Variants in CCDC171 observed in about 807,000 individuals in gnomAD.
The protein encoded by CCDC171 is coiled-coil domain containing 171.
CCDC171 carries 177 observed loss-of-function variants against 168.2 expected under a neutral mutation model. That is an observed-to-expected ratio of 1.05 (90% CI 0.93 to 1.19). The LOEUF (loss-of-function observed/expected upper bound fraction) is 1.19, where lower values mean the gene tolerates loss of function less well. Ranked by LOEUF, CCDC171 falls within the 50% of genes most tolerant of loss-of-function variation. The probability of loss-of-function intolerance (pLI) is 0.00; values close to 1 mark genes in which losing one functional copy is unlikely to be tolerated. For synonymous variants in CCDC171, 687 were observed against 540.8 expected (o/e 1.27, Z -3.75); for missense variants, 1,991 against 1,539.0 (o/e 1.29, Z -4.91).
chr9:15,614,706 A>T (rs1219441363), intron 6 of CCDC171, among the ~76,000 whole-genome samples: 1 of 152,064 alleles, frequency 6.6e-6, no homozygotes, highest in African/African-American at 2.4e-5. Context: ...TTTTATCTTC[A>T]TGTTGGATAA....
At chr9:16,050,781 C>A (rs1435521259) in intron 1 of CCDC171, among the ~76,000 whole-genome samples, 4 of 152,204 alleles carry the variant, frequency 2.6e-5, no homozygotes, top group African/African-American at 7.2e-5. Context: ...TTCACAAGAT[C>A]TGGGCTCTTG....
chr9:16,006,639 T>A (rs973596619), intron 3 of CCDC171, among the ~76,000 whole-genome samples: 2 of 149,688 alleles, frequency 1.3e-5, no homozygotes, highest in African/African-American at 4.9e-5. Context: ...TGTCCATGTG[T>A]TCTCATTGTT....
At chr9:15,942,866 T>C (rs1335311844) in intron 25 of CCDC171, among the ~76,000 whole-genome samples, 2 of 151,776 alleles carry the variant, frequency 1.3e-5, no homozygotes, top group African/African-American at 4.8e-5. Context: ...GCTCCTACAA[T>C]ATTAATAGCA....
At chr9:15,568,267 CTT>C (rs554021809) in intron 2 of CCDC171, among the ~76,000 whole-genome samples, 13 of 126,852 alleles carry the variant, frequency 1.0e-4, no homozygotes, top group African/African-American at 3.4e-4. Context: ...TCCAATACAT[CTT>C]TTTTTTTTTT....
intron 1 of CCDC171, among the ~76,000 whole-genome samples, chr9:15,560,737 A>G (rs2039226996): frequency 6.6e-6 from 1 of 152,110 alleles, no homozygotes; most frequent in African/African-American, 2.4e-5. Context: ...CTCTTAACTC[A>G]TCAAAGTCAT....
At chr9:15,920,238 A>T (rs1458644339) in intron 24 of CCDC171, 32 bp from the exon 25 acceptor site, 1 of 1,418,028 alleles carries the variant, frequency 7.1e-7, no homozygotes, top group Non-Finnish European at 9.5e-7. Flanking sequence ...TATTTATTTG[A>T]ATTATATGTG....
intron 2 of CCDC171, among the ~76,000 whole-genome samples, chr9:15,566,350 G>A (rs933593747): frequency 5.3e-5 from 8 of 152,022 alleles, no homozygotes; most frequent in Non-Finnish European, 8.8e-5. Context: ...TTGAGCCCAG[G>A]AGTTCGAGAC....
chr9:15,912,148 C>T (rs990066188), intron 24 of CCDC171, among the ~76,000 whole-genome samples: 2 of 152,304 alleles, frequency 1.3e-5, no homozygotes, highest in Non-Finnish European at 2.9e-5. Context: ...GCAGTATAGC[C>T]ATTTTCATGG....
chr9:15,728,551 C>T lies in CCDC171; in HGVS notation c.1860+515C>T, dbSNP rs1352976840. On this transcript the variant is annotated intron_variant, in intron 15 of 25. Transcript: ENST00000380701. ...CAAAATGTATATTAGAAAACTCACT[C>T]CATGCTTTAGACTGCAAAAAGTGTA... 2.0e-5 allele frequency among the ~76,000 whole-genome samples: 3 copies of T among 152,124 alleles called. No individual in the cohort carries two copies. In the South Asian group the frequency reaches 6.2e-4, roughly 31 times the overall value.
intron 4 of CCDC171, among the ~76,000 whole-genome samples, chr9:15,589,049 ACGT>A (rs1301915236): frequency 6.6e-6 from 1 of 151,618 alleles, no homozygotes; most frequent in East Asian, 1.9e-4. Flanking sequence ...CCCACAGAAA[ACGT>A]CGTTGTTTTT....
chr9:15,890,969 C>T (rs1820139339), intron 24 of CCDC171, among the ~76,000 whole-genome samples: 1 of 152,052 alleles, frequency 6.6e-6, no homozygotes, highest in Non-Finnish European at 1.5e-5. Context: ...TTAATAAAGG[C>T]ATAAAATATT....
At chr9:15,847,078 T>C (rs892430171) in intron 22 of CCDC171, among the ~76,000 whole-genome samples, 8 of 152,124 alleles carry the variant, frequency 5.3e-5, no homozygotes, top group African/African-American at 1.7e-4. Context: ...CCTCTAATTA[T>C]GCTTATTTTG....
chr9:16,076,190 C>T, the CCDC171 span, among the ~76,000 whole-genome samples: 38 of 152,328 alleles, frequency 2.5e-4, no homozygotes, highest in African/African-American at 8.4e-4. Flanking sequence ...TCCCGCACCT[C>T]ACACCTATCA....
intron 18 of CCDC171, among the ~76,000 whole-genome samples, chr9:15,767,656 A>G (rs2135210133): frequency 6.6e-6 from 1 of 151,764 alleles, no homozygotes; most frequent in South Asian, 2.1e-4. Context: ...AGGACAGTTA[A>G]AGACCACTGT....
intron 25 of CCDC171, among the ~76,000 whole-genome samples, chr9:15,939,715 A>G (rs1379765770): frequency 1.3e-5 from 2 of 151,894 alleles, no homozygotes; most frequent in South Asian, 2.1e-4. Flanking sequence ...TCATTTAGAA[A>G]TTAAATTTTG....
At chr9:15,654,752 T>A (rs1400140818) in intron 7 of CCDC171, among the ~76,000 whole-genome samples, 3 of 152,130 alleles carry the variant, frequency 2.0e-5, no homozygotes, top group African/African-American at 4.8e-5. Context: ...TTTCAGCATT[T>A]CCAACTCAGG....
At chr9:15,991,530 A>G (rs905582702) in intron 3 of CCDC171, among the ~76,000 whole-genome samples, 2 of 151,872 alleles carry the variant, frequency 1.3e-5, no homozygotes, top group African/African-American at 4.9e-5. Flanking sequence ...CTAGAGAAGC[A>G]AGAGCAAACA....
At chr9:15,564,201 G>T in intron 2 of CCDC171, 72 bp downstream of exon 2, 4 of 1,131,732 alleles carry the variant, frequency 3.5e-6, no homozygotes, top group Non-Finnish European at 5.2e-6. Context: ...GTCAGTGGTT[G>T]TAGAGCTAAC....
intron 6 of CCDC171, among the ~76,000 whole-genome samples, chr9:15,595,548 T>C (rs2042285618): frequency 6.6e-6 from 1 of 152,218 alleles, no homozygotes; most frequent in Non-Finnish European, 1.5e-5. Context: ...CAGTCTATCA[T>C]TGTTGGACAT....
Sources: allele counts gnomAD v4.1 joint callset (sites outside exome capture counted in the v4.1 genomes callset), GRCh38; gene constraint gnomAD v4.1.1; transcripts MANE v1.5; gene names NCBI Gene and HGNC (gene_info 2026-07-23, HGNC 2026-07-21).